The following STT3B variants were observed in gnomAD, a reference collection of about 807,000 sequenced individuals.
STT3B encodes STT3 oligosaccharyltransferase complex catalytic subunit B.
In STT3B, 29 loss-of-function variants were observed where a neutral mutation model predicts 96.8. That is an observed-to-expected ratio of 0.30 (90% CI 0.22 to 0.41). The LOEUF (loss-of-function observed/expected upper bound fraction) is 0.41. STT3B is among the 10% of genes least tolerant of loss of function. The pLI, the probability that STT3B is intolerant of heterozygous loss-of-function variation, is 1.00. For synonymous variants in STT3B, 367 were observed against 360.0 expected, an observed-to-expected ratio of 1.02 and a Z score of -0.22; for missense variants, 640 against 1,022.3, an observed-to-expected ratio of 0.63 and a Z score of 5.10.
intron 5 of STT3B, among the ~76,000 whole-genome samples, chr3:31,611,063 G>A (rs1387896279): frequency 1.3e-5 from 2 of 152,138 alleles, no homozygotes; most frequent in African/African-American, 2.4e-5. Context: ...GTAATAGATG[G>A]GTATAGTAGT....
intron 14 of STT3B, among the ~76,000 whole-genome samples, chr3:31,631,995 A>G (rs1054933497): frequency 6.6e-6 from 1 of 152,062 alleles, no homozygotes; most frequent in African/African-American, 2.4e-5. Context: ...AGCTGGGACT[A>G]CAGGCACATA....
At chr3:31,615,247 C>T (rs369733510) in intron 6 of STT3B, 44 bp downstream of exon 6, 98 of 1,408,490 alleles carry the variant, frequency 7.0e-5, no homozygotes, top group Non-Finnish European at 9.0e-5. Flanking sequence ...AATATGTGGA[C>T]GTGTGATTGG....
At chr3:31,562,728 T>C (rs1697910200) in intron 1 of STT3B, among the ~76,000 whole-genome samples, 1 of 152,142 alleles carries the variant, frequency 6.6e-6, no homozygotes, top group Admixed American at 6.5e-5. Flanking sequence ...AATTTGTCCT[T>C]AGCGCAGGTA....
intron 5 of STT3B, among the ~76,000 whole-genome samples, chr3:31,602,635 A>C (rs919746095): frequency 6.6e-6 from 1 of 151,384 alleles, no homozygotes; most frequent in Non-Finnish European, 1.5e-5. Flanking sequence ...GAATTTGAGA[A>C]AGGCCTTTGT....
At chr3:31,543,696 AAAGGGATAATG>A (rs1697336254) in intron 1 of STT3B, among the ~76,000 whole-genome samples, 1 of 152,224 alleles carries the variant, frequency 6.6e-6, no homozygotes, top group Non-Finnish European at 1.5e-5. Flanking sequence ...TTGATGAAGA[AAAGGGATAATG>A]CTTATGGAAG....
chr3:31,596,251 A>G lies in STT3B; in HGVS notation c.712-547A>G, dbSNP rs191705495. Among the ~76,000 whole-genome samples the G allele has an allele frequency of 1.0e-3, 154 of 152,284 alleles. 2 individuals carry two copies. In the South Asian group the frequency reaches 0.017, roughly 16 times the overall value. On this transcript the variant is annotated intron_variant, in intron 3 of 15. Transcript: ENST00000295770. Reference sequence around the variant, plus strand: ...GTCTGGGTTCAGTTAGGAGAGAGAAAGAAGTATTAATTATGATAAAAGAGT... The same window carrying G: ...GTCTGGGTTCAGTTAGGAGAGAGAAGGAAGTATTAATTATGATAAAAGAGT...
intron 1 of STT3B, among the ~76,000 whole-genome samples, chr3:31,554,394 A>G (rs1697641188): frequency 6.6e-6 from 1 of 152,160 alleles, no homozygotes; most frequent in South Asian, 2.1e-4. Flanking sequence ...TTTTTGTCTA[A>G]CTAGTACTAT....
At chr3:31,537,102 C>T (rs1697120160) in intron 1 of STT3B, among the ~76,000 whole-genome samples, 1 of 152,126 alleles carries the variant, frequency 6.6e-6, no homozygotes, top group Non-Finnish European at 1.5e-5. Context: ...GCAGCAGACG[C>T]CTTTTTGCTG....
intron 1 of STT3B, among the ~76,000 whole-genome samples, chr3:31,568,094 A>G (rs1698048376): frequency 6.6e-6 from 1 of 151,852 alleles, no homozygotes; most frequent in Non-Finnish European, 1.5e-5. Flanking sequence ...CACATATGAG[A>G]TATAACATGT....
At chr3:31,552,029 C>T (rs1374451346) in intron 1 of STT3B, among the ~76,000 whole-genome samples, 1 of 152,174 alleles carries the variant, frequency 6.6e-6, no homozygotes, top group Non-Finnish European at 1.5e-5. Context: ...TTAGCCTCCA[C>T]ATAAGAACCC....
chr3:31,609,581 TTTTG>T (rs1249311229), intron 5 of STT3B, among the ~76,000 whole-genome samples: 1 of 152,076 alleles, frequency 6.6e-6, no homozygotes, highest in African/African-American at 2.4e-5. Flanking sequence ...GAGTTTGTTT[TTTTG>T]TTTTTTTGTT....
intron 3 of STT3B, among the ~76,000 whole-genome samples, chr3:31,592,682 G>A (rs1228352571): frequency 6.6e-6 from 1 of 152,136 alleles, no homozygotes; most frequent in Non-Finnish European, 1.5e-5. Flanking sequence ...CTAATGAGTA[G>A]TAATGTTGAG....
chr3:31,592,883 T>A (rs1324390831), intron 3 of STT3B, among the ~76,000 whole-genome samples: 2 of 152,188 alleles, frequency 1.3e-5, no homozygotes, highest in Admixed American at 1.3e-4. Context: ...GCCAGCCCTT[T>A]AAATCCCCTG....
At chr3:31,574,854 A>G (rs1698230799) in intron 1 of STT3B, among the ~76,000 whole-genome samples, 1 of 151,998 alleles carries the variant, frequency 6.6e-6, no homozygotes, top group African/African-American at 2.4e-5. Context: ...ATGTATTGGG[A>G]TGTGTATGCT....
At position 31,623,876 on chromosome 3, in the gene STT3B, C is replaced by A; in HGVS notation, c.1727+15C>A. The stretch of plus-strand genomic sequence containing the variant: ...AATCATGATGGGTAAGAAAATAACT[C>A]GGATACAAAAACATTTTATACTTAC... On this transcript the variant is annotated intron_variant, in intron 11 of 15. Transcript: ENST00000295770. 1 of 1,553,738 alleles carries A rather than the reference C, an allele frequency of 6.4e-7. No individual in the cohort carries two copies. The highest frequency in any genetic ancestry group is 1.2e-5 in the South Asian group (1 of 82,652).
At chr3:31,617,555 A>G (rs1393539341) in intron 7 of STT3B, among the ~76,000 whole-genome samples, 1 of 152,010 alleles carries the variant, frequency 6.6e-6, no homozygotes, top group Non-Finnish European at 1.5e-5. Context: ...ATCTGGTGGG[A>G]TATGGCATAC....
intron 3 of STT3B, among the ~76,000 whole-genome samples, chr3:31,595,923 G>C (rs1176277981): frequency 3.9e-5 from 6 of 152,120 alleles, no homozygotes. Context: ...TCCTGCCTTT[G>C]GCATTCAGGC....
intron 1 of STT3B, among the ~76,000 whole-genome samples, chr3:31,541,472 G>GTTTTTTTTTTTTTTTTTTTTTGT (rs1302731899): frequency 9.4e-6 from 1 of 106,942 alleles, no homozygotes; most frequent in African/African-American, 3.4e-5. Flanking sequence ...TTCTTTTTTT[G>GTTTTTTTTTTTTTTTTTTTTTGT]TTTTTTTTTT....
At chr3:31,588,666 A>G (rs2125457479) in intron 3 of STT3B, among the ~76,000 whole-genome samples, 1 of 152,048 alleles carries the variant, frequency 6.6e-6, no homozygotes, top group Non-Finnish European at 1.5e-5. Context: ...CATGTCTGTG[A>G]TTCATTTTGA....
Sources: allele counts gnomAD v4.1 joint callset (sites outside exome capture counted in the v4.1 genomes callset), GRCh38; gene constraint gnomAD v4.1.1; transcripts MANE v1.5; gene names NCBI Gene and HGNC (gene_info 2026-07-23, HGNC 2026-07-21).